PPP3CA: variants seen among roughly 807,000 people sequenced by gnomAD.
PPP3CA encodes protein phosphatase 3 catalytic subunit alpha, also known as CAM-PRP catalytic subunit.
PPP3CA carries 14 observed loss-of-function variants against 66.5 expected under a neutral mutation model. That is an observed-to-expected ratio of 0.21 (90% CI 0.14 to 0.33). The LOEUF (loss-of-function observed/expected upper bound fraction) is 0.33. Ranked by LOEUF, PPP3CA falls within the 10% of genes least tolerant of loss-of-function variation. PPP3CA has a pLI of 1.00. For synonymous variants in PPP3CA, 232 were observed against 226.2 expected, an observed-to-expected ratio of 1.03 and a Z score of -0.23; for missense variants, 317 against 639.5, an observed-to-expected ratio of 0.50 and a Z score of 5.44.
At chr4:101,323,790 C>G (rs965217049) in intron 1 of PPP3CA, among the ~76,000 whole-genome samples, 1 of 152,106 alleles carries the variant, frequency 6.6e-6, no homozygotes, top group African/African-American at 2.4e-5. Flanking sequence ...CTATAGGTAG[C>G]TGCTATTACC....
At chr4:101,182,068 A>C (rs62305940) in intron 2 of PPP3CA, among the ~76,000 whole-genome samples, 10,678 of 152,210 alleles carry the variant, frequency 0.07, 563 homozygotes, top group South Asian at 0.19. Flanking sequence ...AGCAGCCTTA[A>C]TTTTTCTTTA....
intron 1 of PPP3CA, among the ~76,000 whole-genome samples, chr4:101,317,080 C>G (rs1560714308): frequency 6.6e-6 from 1 of 152,000 alleles, no homozygotes; most frequent in Non-Finnish European, 1.5e-5. Context: ...ACTTCACTCT[C>G]CTATCTATCT....
At chr4:101,249,519 A>G (rs931842750) in intron 1 of PPP3CA, among the ~76,000 whole-genome samples, 1 of 152,096 alleles carries the variant, frequency 6.6e-6, no homozygotes, top group African/African-American at 2.4e-5. Flanking sequence ...TCCTTGAAAT[A>G]CCAAAGTTAA....
chr4:101,166,078 A>G (rs1723685520), intron 2 of PPP3CA, among the ~76,000 whole-genome samples: 1 of 152,322 alleles, frequency 6.6e-6, no homozygotes, highest in East Asian at 1.9e-4. Flanking sequence ...TTGAATTTGC[A>G]TGCACATTCC....
At position 101,320,033 on chromosome 4, in the gene PPP3CA, G is replaced by C. The variant is rs551822280; in HGVS notation, c.58+26706C>G. ...CAATCCCCAATTTCCATACGAGTCA[G>C]TGAATAGAGGGACAACAAGCCAAAA... On this transcript the variant is annotated intron_variant, in intron 1 of 13. Transcript: ENST00000394854. Among the ~76,000 whole-genome samples, 8 of 152,184 alleles carry C rather than the reference G, an allele frequency of 5.3e-5. No individual in the cohort carries two copies. The South Asian group carries it at 1.7e-3, about 32-fold the overall frequency.
chr4:101,277,578 A>G (rs1727542253), intron 1 of PPP3CA, among the ~76,000 whole-genome samples: 1 of 152,234 alleles, frequency 6.6e-6, no homozygotes, highest in Non-Finnish European at 1.5e-5. Context: ...CATCTTGCAC[A>G]TTCAACTTAC....
At chr4:101,143,537 C>A (rs147653050) in intron 2 of PPP3CA, among the ~76,000 whole-genome samples, 41 of 152,288 alleles carry the variant, frequency 2.7e-4, no homozygotes, top group African/African-American at 9.4e-4. Context: ...TGTCCCAGGC[C>A]ATTCTATTCC....
At chr4:101,132,764 C>A (rs1722488810) in intron 2 of PPP3CA, among the ~76,000 whole-genome samples, 2 of 152,156 alleles carry the variant, frequency 1.3e-5, no homozygotes, top group Admixed American at 6.5e-5. Context: ...CCAGCATCAT[C>A]CTGACACTAA....
At chr4:101,225,418 G>A (rs925094204) in intron 1 of PPP3CA, among the ~76,000 whole-genome samples, 2 of 151,734 alleles carry the variant, frequency 1.3e-5, no homozygotes, top group South Asian at 2.1e-4. Context: ...AAAAAGTCTC[G>A]TGATCTGGAA....
intron 1 of PPP3CA, among the ~76,000 whole-genome samples, chr4:101,230,931 C>A (rs900064435): frequency 6.6e-6 from 1 of 151,678 alleles, no homozygotes. Context: ...CTTTTCCCTC[C>A]TCATCTAGGA....
At chr4:101,330,057 T>C (rs1729331776) in intron 1 of PPP3CA, among the ~76,000 whole-genome samples, 1 of 152,098 alleles carries the variant, frequency 6.6e-6, no homozygotes, top group Non-Finnish European at 1.5e-5. Flanking sequence ...CTAACAGATG[T>C]GGACAAAGTA....
At chr4:101,091,073 G>A (rs1182253752) in intron 6 of PPP3CA, among the ~76,000 whole-genome samples, 1 of 152,000 alleles carries the variant, frequency 6.6e-6, no homozygotes, top group African/African-American at 2.4e-5. Context: ...CTTAGAATAT[G>A]ATTTGAACAG....
chr4:101,044,187 T>C (rs1727661081), intron 10 of PPP3CA, among the ~76,000 whole-genome samples: 1 of 152,200 alleles, frequency 6.6e-6, no homozygotes, highest in Admixed American at 6.5e-5. Context: ...CAGATGTAAA[T>C]GTTCTGGTAT....
intron 2 of PPP3CA, among the ~76,000 whole-genome samples, chr4:101,151,188 T>A (rs1409282295): frequency 6.6e-6 from 1 of 152,194 alleles, no homozygotes; most frequent in African/African-American, 2.4e-5. Flanking sequence ...GATTTGAATA[T>A]AATGGTTGAA....
At chr4:101,029,242 A>G in intron 12 of PPP3CA, 47 bp from the exon 13 acceptor site, 9 of 1,526,656 alleles carry the variant, frequency 5.9e-6, no homozygotes, top group Non-Finnish European at 7.2e-6. Flanking sequence ...AAATGAGCAG[A>G]GGATTTTTTA....
At position 101,025,738 on chromosome 4, in the gene PPP3CA, GC is replaced by G; in HGVS notation, c.*126del. On this transcript the variant is annotated 3_prime_UTR_variant, in exon 14 of 14. Coordinates refer to ENST00000394854, the MANE Select transcript of PPP3CA (RefSeq NM_000944.5). Reference sequence around the variant, plus strand: ...TAGTGTAAACTGAATCCAATTCCTGGCCCCCAGAGCAAATAAGCTACTGTCA... The same window carrying G: ...TAGTGTAAACTGAATCCAATTCCTGGCCCCAGAGCAAATAAGCTACTGTCA... The G allele has an allele frequency of 1.5e-6, 1 of 663,000 alleles. No individual in the cohort carries two copies. Among genetic ancestry groups the G allele is most frequent in the Non-Finnish European group, 2.4e-6 (1 of 423,054 alleles). 41.1% of individuals were successfully genotyped at this position (663,000 alleles called of 1,614,324 possible).
chr4:101,135,714 T>A (rs1458033503), intron 2 of PPP3CA, among the ~76,000 whole-genome samples: 1 of 152,226 alleles, frequency 6.6e-6, no homozygotes, highest in Non-Finnish European at 1.5e-5. Context: ...CCATTCAGAA[T>A]GGAATAGCTG....
intron 2 of PPP3CA, among the ~76,000 whole-genome samples, chr4:101,119,454 C>T (rs35274938): frequency 3.3e-5 from 5 of 151,762 alleles, no homozygotes; most frequent in East Asian, 3.9e-4. Flanking sequence ...CTGGAAGTGA[C>T]GGAGTAAACA....
At chr4:101,087,966 G>A (rs1032326583) in intron 6 of PPP3CA, among the ~76,000 whole-genome samples, 3 of 151,964 alleles carry the variant, frequency 2.0e-5, no homozygotes, top group East Asian at 3.9e-4. Context: ...CGCTTTCCCC[G>A]CCTGCAAAAA....
Sources: gnomAD v4.1 joint callset for allele counts (sites outside exome capture counted in the v4.1 genomes callset) on GRCh38, gnomAD v4.1.1 for gene constraint, MANE v1.5 for transcripts, NCBI Gene and HGNC (gene_info 2026-07-23, HGNC 2026-07-21) for gene names.